The following PDE3B variants were observed in gnomAD, a reference collection of about 807,000 sequenced individuals.
PDE3B encodes cGMP-inhibited 3',5'-cyclic phosphodiesterase 3B.
In PDE3B, 66 loss-of-function variants were observed where a neutral mutation model predicts 116.8. The observed-to-expected ratio is 0.56, with a 90% CI of 0.46 to 0.69. The LOEUF is 0.69. Ranked by LOEUF, PDE3B falls within the 30% of genes least tolerant of loss-of-function variation. The probability of loss-of-function intolerance (pLI) is 0.00; values close to 1 mark genes in which losing one functional copy is unlikely to be tolerated. For missense variants in PDE3B, 1,384 were observed against 1,368.1 expected, an observed-to-expected ratio of 1.01 and a Z score of -0.18; for synonymous variants, 595 against 533.6, an observed-to-expected ratio of 1.12 and a Z score of -1.59.
chr11:14,701,433 T>TA (rs1192732789), intron 1 of PDE3B, among the ~76,000 whole-genome samples: 1 of 151,710 alleles, frequency 6.6e-6, no homozygotes, highest in Non-Finnish European at 1.5e-5. Context: ...TTCCTTCAAG[T>TA]AATATATGCA....
intron 1 of PDE3B, among the ~76,000 whole-genome samples, chr11:14,668,014 G>A (rs1268191946): frequency 6.6e-6 from 1 of 150,922 alleles, no homozygotes. Context: ...TTGGCCAAAA[G>A]CTTAATTAAT....
chr11:14,876,610 A>G (rs1246315367), downstream of PDE3B, among the ~76,000 whole-genome samples: 8 of 152,198 alleles, frequency 5.3e-5, no homozygotes, highest in African/African-American at 1.9e-4. Flanking sequence ...GGATGGGCAC[A>G]TAACTCAGAA....
intron 2 of PDE3B, among the ~76,000 whole-genome samples, chr11:14,782,591 C>A (rs529776715): frequency 5.6e-4 from 86 of 152,284 alleles, no homozygotes; most frequent in African/African-American, 2.0e-3. Flanking sequence ...CTTACTTACA[C>A]CTTATACAAA....
chr11:14,663,947 A>G lies in PDE3B; in HGVS notation c.978+18894A>G, dbSNP rs567630789. ...GACATCTACAGAACTCTCCACCCCA[A>G]ATCAACAGAATATACATTTTTTTCA... On this transcript the variant is annotated intron_variant, in intron 1 of 15. Coordinates refer to ENST00000282096, the MANE Select transcript of PDE3B (RefSeq NM_000922.4). Among the ~76,000 whole-genome samples, 52 of 152,290 alleles carry G rather than the reference A, an allele frequency of 3.4e-4. No individual in the cohort carries two copies. The East Asian group carries it at 9.2e-3, about 27-fold the overall frequency.
chr11:14,808,400 CAAG>C (rs1191204756), intron 5 of PDE3B, among the ~76,000 whole-genome samples: 1 of 152,072 alleles, frequency 6.6e-6, no homozygotes, highest in Non-Finnish European at 1.5e-5. Context: ...TGCAAAGATA[CAAG>C]AAATTTTTGA....
At chr11:14,747,556 G>A (rs1217486343) in intron 1 of PDE3B, among the ~76,000 whole-genome samples, 1 of 152,146 alleles carries the variant, frequency 6.6e-6, no homozygotes, top group Non-Finnish European at 1.5e-5. Context: ...GACTCCAGGG[G>A]ATAGGGACAA....
At chr11:14,824,976 C>G (rs1369309702) in intron 7 of PDE3B, among the ~76,000 whole-genome samples, 1 of 150,630 alleles carries the variant, frequency 6.6e-6, no homozygotes, top group African/African-American at 2.5e-5. Flanking sequence ...CTCCTATATT[C>G]AACATTCTTA....
At chr11:14,782,592 C>T (rs1487211137) in intron 2 of PDE3B, among the ~76,000 whole-genome samples, 1 of 152,156 alleles carries the variant, frequency 6.6e-6, no homozygotes, top group Non-Finnish European at 1.5e-5. Flanking sequence ...TTACTTACAC[C>T]TTATACAAAA....
intron 12 of PDE3B, among the ~76,000 whole-genome samples, chr11:14,850,682 T>C (rs1299341633): frequency 3.9e-5 from 6 of 152,320 alleles, no homozygotes; most frequent in Admixed American, 6.5e-5. Context: ...TCTGGTATAT[T>C]ATTTTTGTAC....
the PDE3B span, chr11:14,892,018 T>A: frequency 6.2e-7 from 1 of 1,613,438 alleles, no homozygotes; most frequent in Non-Finnish European, 8.5e-7. Context: ...CATGTAGACA[T>A]GGGGAAGCTC....
intron 12 of PDE3B, among the ~76,000 whole-genome samples, chr11:14,847,215 C>G (rs1477833663): frequency 1.3e-5 from 2 of 152,072 alleles, no homozygotes; most frequent in African/African-American, 4.8e-5. Context: ...TACATGGAAA[C>G]TGAACAACCT....
chr11:14,702,467 T>A (rs528730295), intron 1 of PDE3B, among the ~76,000 whole-genome samples: 32 of 151,924 alleles, frequency 2.1e-4, no homozygotes, highest in Admixed American at 5.9e-4. Context: ...ATTCCAGGAA[T>A]TATAATGAGA....
At chr11:14,829,658 A>G (rs1031064539) in intron 7 of PDE3B, among the ~76,000 whole-genome samples, 3 of 152,038 alleles carry the variant, frequency 2.0e-5, no homozygotes, top group Non-Finnish European at 4.4e-5. Flanking sequence ...CATGGACATA[A>G]AGAGGAGAAC....
At chr11:14,782,807 A>G (rs1858055174) in intron 2 of PDE3B, among the ~76,000 whole-genome samples, 4 of 152,230 alleles carry the variant, frequency 2.6e-5, no homozygotes. Context: ...AGAAACTACC[A>G]TCAGAATGAA....
chr11:14,721,912 A>T (rs1856110156), intron 1 of PDE3B, among the ~76,000 whole-genome samples: 1 of 141,612 alleles, frequency 7.1e-6, no homozygotes, highest in African/African-American at 2.7e-5. Context: ...GTACCCTAAA[A>T]CTTAAAGTAT....
At chr11:14,678,551 T>C (rs1258735937) in intron 1 of PDE3B, among the ~76,000 whole-genome samples, 1 of 152,198 alleles carries the variant, frequency 6.6e-6, no homozygotes, top group Non-Finnish European at 1.5e-5. Flanking sequence ...GTAGTGGTAT[T>C]GCATCATGAT....
At chr11:14,897,083 G>T in the PDE3B span, among the ~76,000 whole-genome samples, 1 of 152,214 alleles carries the variant, frequency 6.6e-6, no homozygotes, top group Non-Finnish European at 1.5e-5. Flanking sequence ...AGCATCATGT[G>T]TATGACAACA....
chr11:14,803,870 T>C, intron 4 of PDE3B, 74 bp from the exon 5 acceptor site: 1 of 849,642 alleles, frequency 1.2e-6, no homozygotes, highest in Non-Finnish European at 2.0e-6. Flanking sequence ...GCTAATTAAA[T>C]TGAGAACCAT....
chr11:14,790,330 C>CTT (rs59685155), intron 4 of PDE3B, among the ~76,000 whole-genome samples: 1 of 136,166 alleles, frequency 7.3e-6, no homozygotes, highest in Non-Finnish European at 1.6e-5. Context: ...ACATCATAGT[C>CTT]TTTTTTTTTT....
Sources: gnomAD v4.1 joint callset for allele counts (sites outside exome capture counted in the v4.1 genomes callset) on GRCh38, gnomAD v4.1.1 for gene constraint, MANE v1.5 for transcripts, NCBI Gene and HGNC (gene_info 2026-07-23, HGNC 2026-07-21) for gene names.